Variants in PCBP3 observed in about 807,000 individuals in gnomAD.
PCBP3 encodes the protein poly(rC)-binding protein 3.
Under a neutral mutation model 52.7 loss-of-function variants are expected in PCBP3, and 25 were observed. The ratio of observed to expected loss-of-function variants is 0.47; its 90% confidence interval spans 0.35 to 0.66. PCBP3 has a LOEUF of 0.66. Ranked by LOEUF, PCBP3 falls within the 30% of genes least tolerant of loss-of-function variation. PCBP3 has a pLI of 0.01. For synonymous variants in PCBP3, 162 were observed against 183.0 expected (o/e 0.89, Z 0.93); for missense variants, 391 against 490.3 (o/e 0.80, Z 1.91).
chr21:45,940,025 T>G lies in PCBP3; in HGVS notation c.910-5T>G, dbSNP rs748962157. On this transcript the variant is annotated splice_polypyrimidine_tract_variant and splice_region_variant and intron_variant, in intron 16 of 17. Transcript: ENST00000681687. ...TCTAAGAAATCCCCCCGTCCTTGTT[T>G]CTAGCTAATAGGCTGCATAATTGGA... The G allele has an allele frequency of 1.2e-6, 2 of 1,612,186 alleles. No homozygotes were observed. The highest frequency in any genetic ancestry group is 1.7e-6 in the Non-Finnish European group (2 of 1,178,496).
At chr21:45,653,980 A>G (rs750610332) in intron 1 of PCBP3, among the ~76,000 whole-genome samples, 1 of 152,106 alleles carries the variant, frequency 6.6e-6, no homozygotes, top group Non-Finnish European at 1.5e-5. Context: ...TTTCTCCTAG[A>G]CAGATCATAG....
chr21:45,666,698 C>T (rs2080817665), intron 1 of PCBP3, among the ~76,000 whole-genome samples: 1 of 149,786 alleles, frequency 6.7e-6, no homozygotes, highest in Non-Finnish European at 1.5e-5. Flanking sequence ...TCTGTGGTTT[C>T]TGGTGAGAAA....
At chr21:45,765,790 T>TA (rs1459965676) in intron 4 of PCBP3, among the ~76,000 whole-genome samples, 3 of 152,176 alleles carry the variant, frequency 2.0e-5, no homozygotes, top group African/African-American at 4.8e-5. Flanking sequence ...ATGATGTTGA[T>TA]AAGAAAATAC....
intron 4 of PCBP3, among the ~76,000 whole-genome samples, chr21:45,769,624 G>C (rs1001524451): frequency 1.3e-5 from 2 of 152,228 alleles, no homozygotes; most frequent in Non-Finnish European, 2.9e-5. Context: ...CTGAAACTCT[G>C]GGTTGGCGTG....
At chr21:45,742,812 T>C (rs1270684909) in intron 3 of PCBP3, among the ~76,000 whole-genome samples, 1 of 152,250 alleles carries the variant, frequency 6.6e-6, no homozygotes, top group Non-Finnish European at 1.5e-5. Flanking sequence ...CTAGTGCTGG[T>C]ACACTGTTTT....
chr21:45,888,146 C>G (rs1164445483), intron 5 of PCBP3, among the ~76,000 whole-genome samples: 1 of 152,228 alleles, frequency 6.6e-6, no homozygotes, highest in Admixed American at 6.5e-5. Context: ...GGGGGTCTGC[C>G]CTAGCTGAGC....
At chr21:45,756,336 T>C (rs1236676285) in intron 4 of PCBP3, among the ~76,000 whole-genome samples, 1 of 152,194 alleles carries the variant, frequency 6.6e-6, no homozygotes, top group Non-Finnish European at 1.5e-5. Context: ...TACTGTAGCT[T>C]TATAATAAGT....
At chr21:45,705,934 G>A (rs1166955374) in intron 2 of PCBP3, among the ~76,000 whole-genome samples, 1 of 152,154 alleles carries the variant, frequency 6.6e-6, no homozygotes, top group Non-Finnish European at 1.5e-5. Flanking sequence ...GTCCCTTGTT[G>A]GGACAGATCA....
chr21:45,870,566 G>A (rs867195684), intron 5 of PCBP3, among the ~76,000 whole-genome samples: 2 of 152,174 alleles, frequency 1.3e-5, no homozygotes, highest in East Asian at 1.9e-4. Flanking sequence ...GGCCAGACCC[G>A]GTTGGGAGCA....
chr21:45,868,356 G>A (rs1393025566), intron 5 of PCBP3, among the ~76,000 whole-genome samples: 1 of 151,774 alleles, frequency 6.6e-6, no homozygotes, highest in African/African-American at 2.4e-5. Flanking sequence ...CCTGCTCTGC[G>A]CCGCCGAATC....
In PCBP3 at chr21:45,821,726, G is replaced by A. The variant is rs2093145788; in HGVS notation, c.-125-28235G>A. 6.6e-6 allele frequency among the ~76,000 whole-genome samples: 1 copy of A among 152,100 alleles called. No homozygotes were observed. Among genetic ancestry groups the A allele is most frequent in the Non-Finnish European group, 1.5e-5 (1 of 68,044 alleles). ...CCCTTCCCTGCTCTTGTCACTTCTTGCTGGTGCTCTGTGGCTGTCATGCAG... is the reference window on the plus strand; with the variant it reads ...CCCTTCCCTGCTCTTGTCACTTCTTACTGGTGCTCTGTGGCTGTCATGCAG... On this transcript the variant is annotated intron_variant, in intron 4 of 17. Transcript: ENST00000681687. The surrounding 1 kb of genome is among the most constrained non-coding windows in gnomAD (Gnocchi z 4.4).
intron 2 of PCBP3, among the ~76,000 whole-genome samples, chr21:45,677,370 G>C (rs1405691957): frequency 6.6e-6 from 1 of 152,196 alleles, no homozygotes; most frequent in Non-Finnish European, 1.5e-5. Flanking sequence ...ACTTCTATGA[G>C]GCTGAAATAG....
chr21:45,726,733 C>T (rs1381130905), intron 2 of PCBP3, among the ~76,000 whole-genome samples: 2 of 152,180 alleles, frequency 1.3e-5, no homozygotes, highest in Non-Finnish European at 2.9e-5. Flanking sequence ...GCGTGTGGCT[C>T]CCATGGCTGG....
rs2092257793 is a variant in PCBP3, at chr21:45,800,567, T to C, written c.-126+45115T>C. Among the ~76,000 whole-genome samples the C allele has an allele frequency of 1.3e-5, 2 of 152,102 alleles. No homozygotes were observed. The highest frequency in any genetic ancestry group is 4.8e-5 in the African/African-American group (2 of 41,436). ...ACCCACCCAACACCACCAGCCTTGC[T>C]GGTGCCTCCTGCCCTGCCCTCTGCT... On this transcript the variant is annotated intron_variant, in intron 4 of 17. Transcript: ENST00000681687. This position sits in a 1 kb window ranked among gnomAD's most constrained non-coding sequence, Gnocchi z 5.3.
chr21:45,651,567 C>G (rs1158717351), intron 1 of PCBP3, among the ~76,000 whole-genome samples: 1 of 151,926 alleles, frequency 6.6e-6, no homozygotes, highest in Non-Finnish European at 1.5e-5. Flanking sequence ...ATAATGTGTT[C>G]TTCTAAAATA....
intron 5 of PCBP3, among the ~76,000 whole-genome samples, chr21:45,888,548 C>T (rs8130452): frequency 0.3 from 45,374 of 152,166 alleles, 8,235 homozygotes; most frequent in East Asian, 0.67. Flanking sequence ...ACCTTCCCCA[C>T]GGCAGATGCC....
chr21:45,919,270 T>A (rs567168418), intron 13 of PCBP3: 11 of 152,338 alleles, frequency 7.2e-5, no homozygotes, highest in African/African-American at 2.2e-4. Context: ...GTAACGCAGT[T>A]CCAGTCTGTG....
In PCBP3 at chr21:45,736,310, T is replaced by C. The variant is rs2085866249; in HGVS notation, c.-162+881T>C. Reference sequence around the variant, plus strand: ...TGGTGCCAGTGGTGGGGCTGGGATTTGAGCCAAGTCTTCCAACTTCACAAT... The same window carrying C: ...TGGTGCCAGTGGTGGGGCTGGGATTCGAGCCAAGTCTTCCAACTTCACAAT... On this transcript the variant is annotated intron_variant, in intron 3 of 17. Transcript: ENST00000681687. This position sits in a 1 kb window ranked among gnomAD's most constrained non-coding sequence, Gnocchi z 4.6. 6.6e-6 allele frequency among the ~76,000 whole-genome samples: 1 copy of C among 152,198 alleles called. No homozygotes were observed. Among genetic ancestry groups the C allele is most frequent in the South Asian group, 2.1e-4 (1 of 4,834 alleles).
At position 45,747,309 on chromosome 21, in the gene PCBP3, G is replaced by A. The variant is rs114763631; in HGVS notation, c.-161-8108G>A. On this transcript the variant is annotated intron_variant, in intron 3 of 17. Transcript: ENST00000681687. Reference sequence around the variant, plus strand: ...TCCCACTGGGTACCTCCCACGACACGTGGGGATTATGGGAGCTACAATTCA... The same window carrying A: ...TCCCACTGGGTACCTCCCACGACACATGGGGATTATGGGAGCTACAATTCA... Among the ~76,000 whole-genome samples the A allele has an allele frequency of 4.2e-3, 646 of 152,332 alleles. 8 individuals are homozygous for A. Among genetic ancestry groups the A allele is most frequent in the African/African-American group, 0.015 (618 of 41,566 alleles).
Sources: gnomAD v4.1 joint callset for allele counts (sites outside exome capture counted in the v4.1 genomes callset) on GRCh38, gnomAD v4.1.1 for gene constraint, Gnocchi (gnomAD v3.1) non-coding constraint, MANE v1.5 for transcripts, NCBI Gene and HGNC (gene_info 2026-07-23, HGNC 2026-07-21) for gene names.